Variants in ALG9 observed in about 807,000 individuals in gnomAD.
The protein encoded by ALG9 is alpha-1,2-mannosyltransferase ALG9.
Under a neutral mutation model 81.8 loss-of-function variants are expected in ALG9, and 55 were observed. The observed-to-expected ratio is 0.67, with a 90% CI of 0.54 to 0.84. The LOEUF (loss-of-function observed/expected upper bound fraction) is 0.84, where lower values mean the gene tolerates loss of function less well. Ranked by LOEUF, ALG9 falls within the 40% of genes least tolerant of loss-of-function variation. The pLI, the probability that ALG9 is intolerant of heterozygous loss-of-function variation, is 0.00. For synonymous variants in ALG9, 278 were observed against 274.3 expected (o/e 1.01, Z -0.13); for missense variants, 629 against 745.0 (o/e 0.84, Z 1.81).
chr11:111,811,320 A>C (rs1201720585), intron 13 of ALG9, among the ~76,000 whole-genome samples: 1 of 152,194 alleles, frequency 6.6e-6, no homozygotes, highest in Non-Finnish European at 1.5e-5. Context: ...AGGTGGACAG[A>C]TCACCTGAGG....
chr11:111,800,165 A>C (rs1948888071), intron 14 of ALG9, among the ~76,000 whole-genome samples: 3 of 152,126 alleles, frequency 2.0e-5, no homozygotes, highest in African/African-American at 7.2e-5. Context: ...GTGTCTAATC[A>C]CTTCCTTTAT....
chr11:111,837,038 CCCAGTGT>C (rs1955420837), intron 12 of ALG9, among the ~76,000 whole-genome samples: 1 of 152,208 alleles, frequency 6.6e-6, no homozygotes, highest in African/African-American at 2.4e-5. Context: ...CACAGCCTTC[CCCAGTGT>C]CCACATAATG....
intron 4 of ALG9, among the ~76,000 whole-genome samples, chr11:111,863,640 C>T (rs1167999024): frequency 6.6e-6 from 1 of 152,130 alleles, no homozygotes; most frequent in Non-Finnish European, 1.5e-5. Flanking sequence ...TAAAACAAGA[C>T]GTTTGTTAGT....
At position 111,871,510 on chromosome 11, in the gene ALG9, C is replaced by T. The variant is rs782269974; in HGVS notation, c.-28G>A. ...CAAGCCTGGGGAAAAAAGAATTCGG[C>T]ACCCTATGAAGTCGGTGAGCGCGCA... On this transcript the variant is annotated 5_prime_UTR_variant, in exon 1 of 15. Transcript: ENST00000616540. 8 of 1,535,608 alleles carry T rather than the reference C, an allele frequency of 5.2e-6. No individual in the cohort carries two copies. Among genetic ancestry groups the T allele is most frequent in the Middle Eastern group, 1.7e-4 (1 of 5,986 alleles).
intron 13 of ALG9, among the ~76,000 whole-genome samples, chr11:111,811,251 G>C (rs1429277781): frequency 6.6e-6 from 1 of 151,988 alleles, no homozygotes; most frequent in Non-Finnish European, 1.5e-5. Flanking sequence ...AAAAAGTATA[G>C]AATCTTATTG....
intron 7 of ALG9, 49 bp downstream of exon 7, chr11:111,853,600 T>C: frequency 6.3e-7 from 1 of 1,591,786 alleles, no homozygotes; most frequent in Non-Finnish European, 8.6e-7. Context: ...CACATCAAAG[T>C]TGCTTTCATT....
intron 14 of ALG9, among the ~76,000 whole-genome samples, chr11:111,797,155 G>C (rs1948417464): frequency 6.6e-6 from 1 of 152,176 alleles, no homozygotes. Flanking sequence ...CCATCAACAG[G>C]GGAAGTCTAC....
At chr11:111,864,344 G>A in intron 4 of ALG9, 1 of 779,274 alleles carries the variant, frequency 1.3e-6, no homozygotes, top group Non-Finnish European at 2.4e-6. Context: ...AGTTTCCCAG[G>A]CAGCTGCAGA....
chr11:111,840,238 C>T (rs544694199), intron 10 of ALG9, among the ~76,000 whole-genome samples: 29 of 152,306 alleles, frequency 1.9e-4, no homozygotes, highest in Non-Finnish European at 2.6e-4. Context: ...TTAAGATGAG[C>T]TCTGCCAGAG....
At chr11:111,779,826 T>C (rs1945832894), downstream of ALG9, among the ~76,000 whole-genome samples, 1 of 152,236 alleles carries the variant, frequency 6.6e-6, no homozygotes, top group African/African-American at 2.4e-5. Flanking sequence ...CAATTGTTAA[T>C]TTTAACAGAC....
intron 14 of ALG9, chr11:111,798,233 T>C: frequency 3.4e-6 from 1 of 297,782 alleles, no homozygotes; most frequent in Non-Finnish European, 6.6e-6. Flanking sequence ...AAATAAAATC[T>C]CACAATCCCC....
At chr11:111,822,582 G>A (rs1211836420) in intron 13 of ALG9, among the ~76,000 whole-genome samples, 5 of 151,808 alleles carry the variant, frequency 3.3e-5, no homozygotes, top group Non-Finnish European at 5.9e-5. Context: ...GTGTGGTGGT[G>A]TGCACCTGTA....
At chr11:111,791,310 C>G (rs1947370789) in intron 14 of ALG9, among the ~76,000 whole-genome samples, 1 of 152,206 alleles carries the variant, frequency 6.6e-6, no homozygotes, top group Non-Finnish European at 1.5e-5. Context: ...ACAGCTGACA[C>G]AGAAGTTCAA....
At chr11:111,864,552 T>A (rs1170997981) in intron 4 of ALG9, 3 of 616,884 alleles carry the variant, frequency 4.9e-6, no homozygotes, top group Non-Finnish European at 6.0e-6. Context: ...CAAAAGCTTA[T>A]CCCTGTAGCA....
At chr11:111,870,161 T>C (rs1963839235) in intron 2 of ALG9, 71 bp downstream of exon 2, 2 of 1,492,238 alleles carry the variant, frequency 1.3e-6, no homozygotes, top group South Asian at 2.6e-5. Flanking sequence ...ATATTATTTG[T>C]CTCTCGATTG....
At chr11:111,833,853 G>C (rs1030746769) in intron 13 of ALG9, among the ~76,000 whole-genome samples, 1 of 152,200 alleles carries the variant, frequency 6.6e-6, no homozygotes, top group Non-Finnish European at 1.5e-5. Context: ...TCTGACAGCA[G>C]AGAATATGGA....
At chr11:111,774,518 T>G in the ALG9 span, among the ~76,000 whole-genome samples, 1,062 of 152,324 alleles carry the variant, frequency 7.0e-3, 17 homozygotes, top group African/African-American at 0.024. Context: ...TGAATAACGT[T>G]TGGTTGTTTA....
downstream of ALG9, among the ~76,000 whole-genome samples, chr11:111,778,554 C>A (rs1488728338): frequency 6.6e-6 from 1 of 152,078 alleles, no homozygotes; most frequent in East Asian, 1.9e-4. Context: ...GGGAAGAGGC[C>A]TAGATGAAGG....
At chr11:111,775,359 G>A in the ALG9 span, among the ~76,000 whole-genome samples, 2 of 152,134 alleles carry the variant, frequency 1.3e-5, no homozygotes, top group African/African-American at 2.4e-5. Context: ...CCCTGGACAC[G>A]AAAGTCACAT....
Sources: allele counts gnomAD v4.1 joint callset (sites outside exome capture counted in the v4.1 genomes callset), GRCh38; gene constraint gnomAD v4.1.1; transcripts MANE v1.5; gene names NCBI Gene and HGNC (gene_info 2026-07-23, HGNC 2026-07-21).